Variants in LIN54 observed in about 807,000 individuals in gnomAD.
The protein encoded by LIN54 is protein lin-54 homolog.
Under a neutral mutation model 78.7 loss-of-function variants are expected in LIN54, and 9 were observed. That is an observed-to-expected ratio of 0.11 (90% CI 0.07 to 0.20). The LOEUF (loss-of-function observed/expected upper bound fraction) is 0.20. Among genes scored for constraint, LIN54 ranks in the 10% least tolerant of loss-of-function variants. The pLI is 1.00. For missense variants in LIN54, 573 were observed against 889.9 expected (o/e 0.64, Z 4.53); for synonymous variants, 269 against 318.4 (o/e 0.84, Z 1.65).
intron 4 of LIN54, among the ~76,000 whole-genome samples, chr4:82,953,344 A>G (rs1270549453): frequency 6.6e-6 from 1 of 152,188 alleles, no homozygotes; most frequent in Admixed American, 6.5e-5. Context: ...CAAGAAGAAA[A>G]CAGTTCTGGA....
intron 5 of LIN54, among the ~76,000 whole-genome samples, chr4:82,945,357 A>T (rs1723269871): frequency 6.6e-6 from 1 of 152,248 alleles, no homozygotes; most frequent in Non-Finnish European, 1.5e-5. Context: ...AAAGTAGCTA[A>T]ATATGAAAAA....
chr4:82,998,324 C>T (rs1271682796), intron 1 of LIN54, among the ~76,000 whole-genome samples: 1 of 151,902 alleles, frequency 6.6e-6, no homozygotes, highest in African/African-American at 2.4e-5. Context: ...GCGGACAGAT[C>T]ACGAGGTCAG....
At chr4:83,006,827 G>A (rs948509191) in intron 1 of LIN54, among the ~76,000 whole-genome samples, 2 of 152,130 alleles carry the variant, frequency 1.3e-5, no homozygotes, top group African/African-American at 2.4e-5. Context: ...ATTTCAAAGG[G>A]TGTGAATTAA....
chr4:82,977,987 G>A (rs1003043403), intron 3 of LIN54, among the ~76,000 whole-genome samples: 4 of 152,144 alleles, frequency 2.6e-5, no homozygotes, highest in Admixed American at 6.6e-5. Context: ...AATCAATGGC[G>A]TTTACAAGAG....
At chr4:82,996,686 G>C (rs1342931117) in intron 1 of LIN54, among the ~76,000 whole-genome samples, 1 of 151,944 alleles carries the variant, frequency 6.6e-6, no homozygotes, top group African/African-American at 2.4e-5. Context: ...TTACAGGCTT[G>C]AGCCACCACA....
intron 5 of LIN54, among the ~76,000 whole-genome samples, chr4:82,942,133 GTTTTTT>G (rs60942635): frequency 6.6e-6 from 1 of 151,524 alleles, no homozygotes; most frequent in Non-Finnish European, 1.5e-5. Context: ...GATATCAGCA[GTTTTTT>G]TTTGTTTTTG....
chr4:82,977,613 C>T (rs556366877), intron 3 of LIN54, among the ~76,000 whole-genome samples: 1 of 152,290 alleles, frequency 6.6e-6, no homozygotes, highest in East Asian at 1.9e-4. Context: ...CCACTGATTT[C>T]CAAGTTGCCT....
chr4:83,001,697 A>C (rs534320954), intron 1 of LIN54, among the ~76,000 whole-genome samples: 88 of 149,578 alleles, frequency 5.9e-4, no homozygotes, highest in Non-Finnish European at 1.1e-3. Flanking sequence ...TACAAAAAAA[A>C]ATTAGCTGGG....
At position 82,995,825 on chromosome 4, in the gene LIN54, A is replaced by G. The variant is rs1426335876; in HGVS notation, c.-32-10949T>C. On this transcript the variant is annotated intron_variant, in intron 1 of 12. Coordinates refer to ENST00000340417, the MANE Select transcript of LIN54 (RefSeq NM_194282.4). Reference sequence around the variant, plus strand: ...CCCTGTTTGTTTCAATCAGGGTCACATGCAGGGCATGGTGGCCTATGCTAA... The same window carrying G: ...CCCTGTTTGTTTCAATCAGGGTCACGTGCAGGGCATGGTGGCCTATGCTAA... Among the ~76,000 whole-genome samples, 7 of 151,532 alleles carry G rather than the reference A, an allele frequency of 4.6e-5. No individual in the cohort carries two copies. In the East Asian group the frequency reaches 5.9e-4, roughly 13 times the overall value.
intron 1 of LIN54, among the ~76,000 whole-genome samples, chr4:83,001,265 T>A (rs1728739410): frequency 6.6e-6 from 1 of 152,214 alleles, no homozygotes; most frequent in South Asian, 2.1e-4. Flanking sequence ...AAGATATGCA[T>A]CTTGGGTAAG....
chr4:82,946,892 A>G (rs890470401), intron 4 of LIN54, among the ~76,000 whole-genome samples: 3 of 152,090 alleles, frequency 2.0e-5, no homozygotes, highest in Non-Finnish European at 2.9e-5. Context: ...AAATAACTAC[A>G]ACAAATTTTA....
intron 4 of LIN54, among the ~76,000 whole-genome samples, chr4:82,947,914 T>C (rs1723537656): frequency 6.6e-6 from 1 of 152,174 alleles, no homozygotes; most frequent in African/African-American, 2.4e-5. Context: ...CTAAATACTT[T>C]TATCATAAAA....
At chr4:82,997,769 G>A (rs1728341427) in intron 1 of LIN54, among the ~76,000 whole-genome samples, 1 of 151,768 alleles carries the variant, frequency 6.6e-6, no homozygotes, top group African/African-American at 2.4e-5. Flanking sequence ...AAGGAGGGCG[G>A]ATCACCTGAG....
intron 1 of LIN54, among the ~76,000 whole-genome samples, chr4:82,988,926 T>C (rs558356915): frequency 6.6e-6 from 1 of 152,254 alleles, no homozygotes; most frequent in Non-Finnish European, 1.5e-5. Context: ...CGGTGTCTTA[T>C]GCCTGTAATC....
At chr4:82,961,838 C>T (rs904454756) in intron 4 of LIN54, among the ~76,000 whole-genome samples, 7 of 152,056 alleles carry the variant, frequency 4.6e-5, no homozygotes, top group Non-Finnish European at 8.8e-5. Context: ...TTCCTGTAGT[C>T]CCTGCTACTT....
rs116252662 is a variant in LIN54, at chr4:83,007,195, T to C, written c.-33+3289A>G. 8.3e-3 allele frequency among the ~76,000 whole-genome samples: 1,269 copies of C among 152,032 alleles called. 20 individuals carry two copies. Among genetic ancestry groups the C allele is most frequent in the African/African-American group, 0.029 (1,183 of 41,480 alleles). ...AATAAATAAAAAGAAATTATATAAC[T>C]GAGTGAAATAACAAATAAATGCTAT... On this transcript the variant is annotated intron_variant, in intron 1 of 12. Transcript: ENST00000340417.
intron 4 of LIN54, among the ~76,000 whole-genome samples, chr4:82,949,343 T>G (rs147121094): frequency 4.6e-5 from 7 of 152,058 alleles, no homozygotes; most frequent in Admixed American, 4.6e-4. Context: ...ACTTTGCGTA[T>G]TTTTTAATTG....
intron 5 of LIN54, among the ~76,000 whole-genome samples, chr4:82,944,441 AT>A (rs1334599855): frequency 1.3e-5 from 2 of 152,190 alleles, no homozygotes; most frequent in Non-Finnish European, 2.9e-5. Flanking sequence ...AAGTTTAAGT[AT>A]TGAGAGAATA....
At chr4:82,930,385 T>C (rs576540512) in intron 12 of LIN54, among the ~76,000 whole-genome samples, 1 of 152,300 alleles carries the variant, frequency 6.6e-6, no homozygotes, top group Admixed American at 6.5e-5. Flanking sequence ...CCACCTGGTA[T>C]AGGCTATTTT....
Sources: allele counts gnomAD v4.1 joint callset (sites outside exome capture counted in the v4.1 genomes callset), GRCh38; gene constraint gnomAD v4.1.1; transcripts MANE v1.5; gene names NCBI Gene and HGNC (gene_info 2026-07-23, HGNC 2026-07-21).